The following JMJD1C variants were observed in gnomAD, a reference collection of about 807,000 sequenced individuals.
JMJD1C encodes jumonji domain-containing protein 1C.
JMJD1C carries 31 observed loss-of-function variants against 245.3 expected under a neutral mutation model. The ratio of observed to expected loss-of-function variants is 0.13; its 90% CI spans 0.09 to 0.17. The LOEUF is 0.17. Among genes scored for constraint, JMJD1C ranks in the 10% least tolerant of loss-of-function variants. The pLI is 1.00. For missense variants in JMJD1C, 2,691 were observed against 3,000.2 expected (o/e 0.90, Z 2.41); for synonymous variants, 1,057 against 1,017.4 (o/e 1.04, Z -0.74).
chr10:63,357,434 T>C (rs1478904607), intron 2 of JMJD1C, among the ~76,000 whole-genome samples: 1 of 152,026 alleles, frequency 6.6e-6, no homozygotes, highest in Admixed American at 6.6e-5. Context: ...GCTTCCTCAG[T>C]AGCTGGGATT....
intron 2 of JMJD1C, among the ~76,000 whole-genome samples, chr10:63,340,727 C>T (rs1211492848): frequency 1.3e-5 from 2 of 152,088 alleles, no homozygotes; most frequent in Non-Finnish European, 2.9e-5. Context: ...GGTGGATCAT[C>T]TGAGGTCAGG....
Position 63,430,105 on chromosome 10 carries a change from A to T in JMJD1C, c.168+35390T>A, listed in dbSNP as rs527601297. 7.9e-5 allele frequency among the ~76,000 whole-genome samples: 12 copies of T among 152,362 alleles called. No homozygotes were observed. In the Middle Eastern group the frequency reaches 0.014, roughly 173 times the overall value. On this transcript the variant is annotated intron_variant, in intron 1 of 25. Coordinates refer to ENST00000399262, the MANE Select transcript of JMJD1C (RefSeq NM_032776.3). ...AAGACAACTCAATGGGGGAAAGAAG[A>T]GTCTCTTAAATAGTACTGGGACAAC...
chr10:63,261,178 T>C (rs1174430647), intron 3 of JMJD1C, among the ~76,000 whole-genome samples: 1 of 152,198 alleles, frequency 6.6e-6, no homozygotes, highest in Admixed American at 6.5e-5. Flanking sequence ...TTATACTCTC[T>C]GAAAATGTTG....
intron 2 of JMJD1C, among the ~76,000 whole-genome samples, chr10:63,336,140 G>T (rs528585682): frequency 6.6e-6 from 1 of 151,774 alleles, no homozygotes; most frequent in East Asian, 2.0e-4. Flanking sequence ...AAGAAAAAAA[G>T]AAAAAAACCA....
chr10:63,206,573 T>A (rs1846650982), intron 10 of JMJD1C, 22 bp downstream of exon 10: 2 of 1,543,204 alleles, frequency 1.3e-6, no homozygotes, highest in African/African-American at 2.8e-5. Context: ...TTACCTGAGA[T>A]AAAACAAAGT....
At chr10:63,464,513 G>T (rs1260434477) in intron 1 of JMJD1C, among the ~76,000 whole-genome samples, 3 of 152,092 alleles carry the variant, frequency 2.0e-5, no homozygotes, top group African/African-American at 7.2e-5. Flanking sequence ...AAATTTCACA[G>T]ATTACGTATT....
At position 63,185,618 on chromosome 10, in the gene JMJD1C, A is replaced by G. The variant is rs748077584; in HGVS notation, c.6775T>C (p.Leu2259=). The G allele has an allele frequency of 5.6e-6, 9 of 1,606,340 alleles. No individual in the cohort carries two copies. The highest frequency in any genetic ancestry group is 7.7e-6 in the Non-Finnish European group (9 of 1,172,768). Residue 2259 remains leucine (L), a synonymous_variant, in exon 20 of 26, where the codon TTA becomes CTA. Coordinates refer to ENST00000399262, the MANE Select transcript of JMJD1C (RefSeq NM_032776.3). ...CCTGAAGGCCAGTCTTTCAATTTTA[A>G]AACAACTGTTTCTCCACTCTTGTTT... ...QKNKSGETVV[L]KLKDWPSGED... is the part of the protein sequence containing the mutation.
chr10:63,213,583 T>C lies in JMJD1C; in HGVS notation c.2584A>G (p.Ile862Val), dbSNP rs376361926. The C allele has an allele frequency of 6.4e-5, 104 of 1,614,026 alleles. No homozygotes were observed. Among genetic ancestry groups the C allele is most frequent in the Middle Eastern group, 3.3e-4 (2 of 6,084 alleles). Residue 862 changes from isoleucine (I) to valine (V), a missense_variant, in exon 8 of 26, where the codon ATT becomes GTT. By Grantham distance (29) the Ile-to-Val change is conservative. Coordinates refer to ENST00000399262, the MANE Select transcript of JMJD1C (RefSeq NM_032776.3). ...ASYNQLGLYP[I>V]IWQYPNGTHA... ...GTTCCATTTGGATACTGCCAAATAA[T>C]TGGATAAAGTCCAAGCTGATTATAT...
rs71025129 is a variant in JMJD1C, at chr10:63,234,493, TAAAA to T, written c.448-14514_448-14511del. Among the ~76,000 whole-genome samples the T allele has an allele frequency of 5.9e-3, 218 of 37,024 alleles. 2 individuals carry two copies. The highest frequency in any genetic ancestry group is 0.022 in the African/African-American group (196 of 8,894). 24.3% of individuals were successfully genotyped at this position (37,024 alleles called of 152,430 possible). A position where few individuals can be genotyped will look rare whatever the true frequency, so the allele number is the denominator to read the frequency against. Reference sequence around the variant, plus strand: ...TCATCAACAGAGAGAAACCTCCTCTTAAAAAAAAAAAAAAAAAAAAAAAAAAAAC... The same window carrying T: ...TCATCAACAGAGAGAAACCTCCTCTTAAAAAAAAAAAAAAAAAAAAAAAAC... On this transcript the variant is annotated intron_variant, in intron 3 of 25. Coordinates refer to ENST00000399262, the MANE Select transcript of JMJD1C (RefSeq NM_032776.3).
chr10:63,279,903 C>CACTT (rs1489790535), intron 2 of JMJD1C, among the ~76,000 whole-genome samples: 1 of 152,162 alleles, frequency 6.6e-6, no homozygotes, highest in African/African-American at 2.4e-5. Flanking sequence ...GTTTTCCCAG[C>CACTT]ACTTTGGGAG....
intron 1 of JMJD1C, among the ~76,000 whole-genome samples, chr10:63,399,742 G>T (rs545035636): frequency 6.6e-6 from 1 of 150,532 alleles, no homozygotes; most frequent in Admixed American, 6.6e-5. Flanking sequence ...TGCCACTTAG[G>T]CTTCTGTTTC....
intron 2 of JMJD1C, among the ~76,000 whole-genome samples, chr10:63,300,970 T>G (rs1426749775): frequency 6.6e-6 from 1 of 152,106 alleles, no homozygotes; most frequent in Non-Finnish European, 1.5e-5. Context: ...TGGCATATTT[T>G]CTCAGGCTAC....
At chr10:63,286,981 G>C (rs1028755725) in intron 2 of JMJD1C, among the ~76,000 whole-genome samples, 1 of 152,154 alleles carries the variant, frequency 6.6e-6, no homozygotes, top group African/African-American at 2.4e-5. Flanking sequence ...CGAGAAACCA[G>C]AAGTAAAGTT....
intron 14 of JMJD1C, among the ~76,000 whole-genome samples, chr10:63,194,082 T>A (rs193020241): frequency 6.6e-6 from 1 of 152,354 alleles, no homozygotes; most frequent in Admixed American, 6.5e-5. Context: ...GCTTTCCACT[T>A]CTAATGGTGA....
intron 1 of JMJD1C, among the ~76,000 whole-genome samples, chr10:63,447,924 G>A (rs1168341433): frequency 6.6e-6 from 1 of 151,804 alleles, no homozygotes; most frequent in African/African-American, 2.4e-5. Flanking sequence ...GGGTGATGGA[G>A]CAAGACTCTG....
intron 1 of JMJD1C, among the ~76,000 whole-genome samples, chr10:63,477,970 G>C (rs561279473): frequency 6.6e-6 from 1 of 152,140 alleles, no homozygotes; most frequent in East Asian, 1.9e-4. Context: ...ATAAGCACAA[G>C]AAAAGACACT....
chr10:63,521,703 T>A (rs1955251644), intron 1 of JMJD1C: 1 of 572,552 alleles, frequency 1.7e-6, no homozygotes, highest in South Asian at 5.9e-5. Context: ...GCCTCGGGCC[T>A]GCCGAGGGTC....
rs563465585 is a variant in JMJD1C, at chr10:63,261,764, A to G, written c.447+2887T>C. 1.8e-4 allele frequency among the ~76,000 whole-genome samples: 27 copies of G among 152,360 alleles called. No individual in the cohort carries two copies. In the South Asian group the frequency reaches 3.3e-3, roughly 19 times the overall value. ...GTTTATCATTCTGATTTAATGAAGA[A>G]TAAGGCTGTGCAACTTGTAAAGGAA... On this transcript the variant is annotated intron_variant, in intron 3 of 25. Transcript: ENST00000399262.
intron 1 of JMJD1C, among the ~76,000 whole-genome samples, chr10:63,488,961 G>A (rs1954083037): frequency 6.6e-6 from 1 of 152,118 alleles, no homozygotes; most frequent in South Asian, 2.1e-4. Context: ...ATAGGACGAT[G>A]GTCCCATAAG....
Sources: allele counts gnomAD v4.1 joint callset (sites outside exome capture counted in the v4.1 genomes callset), GRCh38; gene constraint gnomAD v4.1.1; transcripts MANE v1.5; gene names NCBI Gene and HGNC (gene_info 2026-07-23, HGNC 2026-07-21).